STK24: variants seen among roughly 807,000 people sequenced by gnomAD.
STK24 encodes serine/threonine-protein kinase 24.
In STK24, 21 loss-of-function variants were observed where a neutral mutation model predicts 55.6. The observed-to-expected ratio is 0.38, with a 90% CI of 0.27 to 0.54. The LOEUF is 0.54. STK24 is among the 20% of genes least tolerant of loss of function. STK24 has a pLI of 0.79. For synonymous variants in STK24, 200 were observed against 215.2 expected, an observed-to-expected ratio of 0.93 and a Z score of 0.62; for missense variants, 383 against 538.4, an observed-to-expected ratio of 0.71 and a Z score of 2.86.
intron 1 of STK24, chr13:98,521,926 G>T: frequency 8.9e-7 from 1 of 1,119,150 alleles, no homozygotes; most frequent in Non-Finnish European, 1.4e-6. Flanking sequence ...CCTCTCTGCT[G>T]GCTCTCTGCC....
chr13:98,516,833 T>C (rs768220629), intron 2 of STK24, among the ~76,000 whole-genome samples: 25 of 152,214 alleles, frequency 1.6e-4, no homozygotes, highest in African/African-American at 2.4e-4. Context: ...TTAAGGAGTT[T>C]ACTACGGCAG....
At chr13:98,490,727 G>A (rs1294311741) in intron 2 of STK24, among the ~76,000 whole-genome samples, 2 of 151,914 alleles carry the variant, frequency 1.3e-5, no homozygotes, top group East Asian at 3.9e-4. Flanking sequence ...CAATGTGGAA[G>A]GAAGGCCTCA....
chr13:98,574,385 G>C (rs569269780), intron 1 of STK24, among the ~76,000 whole-genome samples: 3 of 152,332 alleles, frequency 2.0e-5, no homozygotes, highest in African/African-American at 7.2e-5. Flanking sequence ...CCATAGAAGA[G>C]ATACGGACTT....
intron 1 of STK24, chr13:98,553,207 CG>C (rs1484101684): frequency 6.6e-6 from 1 of 152,240 alleles, no homozygotes; most frequent in Non-Finnish European, 1.5e-5. Flanking sequence ...GAGAGCCGGA[CG>C]GGCACTCAGC....
intron 1 of STK24, among the ~76,000 whole-genome samples, chr13:98,574,706 CACTT>C (rs1897835312): frequency 1.3e-5 from 2 of 152,128 alleles, no homozygotes; most frequent in African/African-American, 4.8e-5. Flanking sequence ...CACTGAGAAA[CACTT>C]AAGATCTTTC....
intron 1 of STK24, among the ~76,000 whole-genome samples, chr13:98,572,106 G>A (rs1184217561): frequency 6.6e-6 from 1 of 152,156 alleles, no homozygotes; most frequent in Non-Finnish European, 1.5e-5. Flanking sequence ...CCAACCATGT[G>A]CCTTTGCTCA....
intron 1 of STK24, among the ~76,000 whole-genome samples, chr13:98,559,002 T>TAACAAAA (rs1897346008): frequency 4.6e-5 from 2 of 43,032 alleles, no homozygotes; most frequent in African/African-American, 2.0e-4. Context: ...CTGTCTCTAC[T>TAACAAAA]AAAAAAAAAA....
At chr13:98,576,290 C>T in intron 1 of STK24, 1 of 915,928 alleles carries the variant, frequency 1.1e-6, no homozygotes, top group Non-Finnish European at 1.3e-6. Context: ...AGGTCTCCCG[C>T]CCGCCTGCCC....
In STK24 at chr13:98,448,080, G is replaced by C; in HGVS notation, c.*5093C>G. 1.5e-6 allele frequency: 1 copy of C among 662,366 alleles called. No individual in the cohort carries two copies. Among genetic ancestry groups the C allele is most frequent in the Non-Finnish European group, 2.8e-6 (1 of 363,026 alleles). 41.0% of individuals were successfully genotyped at this position (662,366 alleles called of 1,614,324 possible). A position where few individuals can be genotyped will look rare whatever the true frequency, so the allele number is the denominator to read the frequency against. On this transcript the variant is annotated 3_prime_UTR_variant, in exon 11 of 11. Coordinates refer to ENST00000539966, the MANE Select transcript of STK24 (RefSeq NM_001032296.4). ...TGGGTCTCCACTGTACCTCAGGAAC[G>C]CCTGGGTGCTGGCTGTTCCCTTGCT...
At chr13:98,489,066 C>T (rs1186915721) in intron 2 of STK24, among the ~76,000 whole-genome samples, 1 of 152,222 alleles carries the variant, frequency 6.6e-6, no homozygotes, top group Non-Finnish European at 1.5e-5. Flanking sequence ...CGCATGTGGC[C>T]TCAAAGCCTT....
At chr13:98,514,994 T>C (rs966791136) in intron 2 of STK24, among the ~76,000 whole-genome samples, 1 of 151,918 alleles carries the variant, frequency 6.6e-6, no homozygotes, top group East Asian at 1.9e-4. Context: ...CAGCGACCAG[T>C]TGAGTACCTG....
chr13:98,475,314 T>C lies in STK24; in HGVS notation c.375A>G (p.Leu125=), dbSNP rs1476144106. The change falls in exon 4 of 11, where the codon TTA becomes TTG. Residue 125 remains leucine, a synonymous_variant. Transcript: ENST00000539966. ...PLDETQIATI[L]REILKGLDYL... is the part of the protein sequence containing the mutation. ...AATCGAGTCCTTTCAGTATTTCTCT[T>C]AATATAGTAGCGATCTGGGTTTCAT... 5 of 1,613,864 alleles carry C rather than the reference T, an allele frequency of 3.1e-6. No individual in the cohort carries two copies. The Admixed American group carries it at 5.0e-5, about 16-fold the overall frequency.
chr13:98,571,435 T>C (rs1897736834), intron 1 of STK24, among the ~76,000 whole-genome samples: 11 of 152,092 alleles, frequency 7.2e-5, no homozygotes, highest in Admixed American at 7.2e-4. Context: ...ATCTGACCAA[T>C]TCCTACTTGA....
chr13:98,480,819 G>A (rs763928334), intron 3 of STK24, among the ~76,000 whole-genome samples: 9 of 152,186 alleles, frequency 5.9e-5, no homozygotes, highest in Non-Finnish European at 1.2e-4. Context: ...GAACTTCTGG[G>A]CTCAAGTGAT....
At chr13:98,474,671 T>A (rs1894295653) in intron 5 of STK24, 150 bp downstream of exon 5, 1 of 997,002 alleles carries the variant, frequency 1.0e-6, no homozygotes, top group Admixed American at 2.5e-5. Context: ...AGGAGAAAAC[T>A]GTTCATAACC....
intron 1 of STK24, among the ~76,000 whole-genome samples, chr13:98,543,980 T>C (rs962189066): frequency 6.6e-6 from 1 of 152,202 alleles, no homozygotes; most frequent in Non-Finnish European, 1.5e-5. Context: ...ATCCTGGCTC[T>C]AATTTGGAGT....
chr13:98,506,160 T>C (rs142150279), intron 2 of STK24, among the ~76,000 whole-genome samples: 24 of 152,308 alleles, frequency 1.6e-4, no homozygotes, highest in African/African-American at 5.8e-4. Context: ...TCTAAACCAG[T>C]CACCACTCCA....
rs548980088 is a variant in STK24, at chr13:98,496,324, G to A, written c.274-14003C>T. ...GCCACAATCCAAACTGAAGTCACAA[G>A]GATAAAGATTTTGTTTATTGCTTAG... On this transcript the variant is annotated intron_variant, in intron 2 of 10. Coordinates refer to ENST00000539966, the MANE Select transcript of STK24 (RefSeq NM_001032296.4). Among the ~76,000 whole-genome samples the A allele has an allele frequency of 5.9e-5, 9 of 152,302 alleles. No individual in the cohort carries two copies. In the East Asian group the frequency reaches 1.5e-3, roughly 26 times the overall value.
At chr13:98,491,686 T>G (rs758586836) in intron 2 of STK24, among the ~76,000 whole-genome samples, 1 of 104,044 alleles carries the variant, frequency 9.6e-6, no homozygotes, top group Non-Finnish European at 2.1e-5. Flanking sequence ...CATTCATTAC[T>G]AAGCCAAAAA....
Sources: allele counts gnomAD v4.1 joint callset (sites outside exome capture counted in the v4.1 genomes callset), GRCh38; gene constraint gnomAD v4.1.1; transcripts MANE v1.5; gene names NCBI Gene and HGNC (gene_info 2026-07-23, HGNC 2026-07-21).